Variants in EXOC6 observed in about 807,000 individuals in gnomAD.
EXOC6 encodes the protein SEC15-like 1.
EXOC6 carries 60 observed loss-of-function variants against 112.5 expected under a neutral mutation model. The observed-to-expected ratio is 0.53, with a 90% CI of 0.43 to 0.66. EXOC6 has a LOEUF of 0.66. EXOC6 is among the 30% of genes least tolerant of loss of function. EXOC6 has a pLI of 0.00. For synonymous variants in EXOC6, 295 were observed against 308.0 expected (o/e 0.96, Z 0.44); for missense variants, 855 against 957.1 (o/e 0.89, Z 1.41).
intron 13 of EXOC6, among the ~76,000 whole-genome samples, chr10:92,947,110 A>G (rs772024859): frequency 2.6e-5 from 4 of 152,350 alleles, no homozygotes; most frequent in East Asian, 1.9e-4. Context: ...AAGGAAATCA[A>G]TGATTGGATG....
At chr10:92,898,031 G>A (rs1849924033) in intron 4 of EXOC6, among the ~76,000 whole-genome samples, 1 of 152,136 alleles carries the variant, frequency 6.6e-6, no homozygotes, top group African/African-American at 2.4e-5. Flanking sequence ...GATACTTGGA[G>A]TTCACAGATC....
At chr10:92,872,825 CT>C (rs1403236391) in intron 1 of EXOC6, among the ~76,000 whole-genome samples, 3 of 151,970 alleles carry the variant, frequency 2.0e-5, no homozygotes. Flanking sequence ...GAGTAGTATT[CT>C]TTTTGTTTTG....
At chr10:92,902,405 C>T (rs1850226988) in intron 5 of EXOC6, among the ~76,000 whole-genome samples, 1 of 151,892 alleles carries the variant, frequency 6.6e-6, no homozygotes, top group South Asian at 2.1e-4. Flanking sequence ...TTTAAAATCT[C>T]TTTGTCTGCT....
At chr10:92,951,942 A>G (rs1172926300) in intron 14 of EXOC6, among the ~76,000 whole-genome samples, 1 of 152,198 alleles carries the variant, frequency 6.6e-6, no homozygotes, top group Non-Finnish European at 1.5e-5. Flanking sequence ...TTGTATGATA[A>G]ATACACAAAG....
rs184008444 is a variant in EXOC6, at chr10:92,922,809, T to C, written c.888+2759T>C. 1.9e-3 allele frequency among the ~76,000 whole-genome samples: 295 copies of C among 152,298 alleles called. 1 individual carries two copies. The highest frequency in any genetic ancestry group is 7.0e-3 in the African/African-American group (289 of 41,564). On this transcript the variant is annotated intron_variant, in intron 8 of 21. Transcript: ENST00000260762. Reference sequence around the variant, plus strand: ...TTTTCTTAGAATACTGAATATTGAATGAGTTAATTTCCTAATTATCTGATG... The same window carrying C: ...TTTTCTTAGAATACTGAATATTGAACGAGTTAATTTCCTAATTATCTGATG...
intron 1 of EXOC6, among the ~76,000 whole-genome samples, chr10:92,840,606 A>T (rs764311627): frequency 9.9e-5 from 15 of 152,200 alleles, no homozygotes; most frequent in Non-Finnish European, 5.9e-5. Context: ...TGAGTTATGT[A>T]AATTTTTTAA....
chr10:92,996,419 C>T (rs187960298), intron 18 of EXOC6, among the ~76,000 whole-genome samples: 33 of 152,142 alleles, frequency 2.2e-4, no homozygotes, highest in Admixed American at 3.9e-4. Flanking sequence ...AGATCGAGAC[C>T]ATCCTGGCTA....
intron 5 of EXOC6, among the ~76,000 whole-genome samples, chr10:92,904,430 G>A (rs1850335636): frequency 6.6e-6 from 1 of 152,160 alleles, no homozygotes; most frequent in East Asian, 1.9e-4. Context: ...ATGAATGAGA[G>A]TTACTGTTGC....
intron 19 of EXOC6, 68 bp from the exon 20 acceptor site, chr10:93,014,121 ATTAAT>A: frequency 1.8e-6 from 2 of 1,090,138 alleles, no homozygotes; most frequent in Non-Finnish European, 2.7e-6. Context: ...ATGAGTAGAA[ATTAAT>A]TTATCAGTTA....
At chr10:92,866,849 A>G (rs541563859) in intron 1 of EXOC6, among the ~76,000 whole-genome samples, 1 of 152,292 alleles carries the variant, frequency 6.6e-6, no homozygotes, top group African/African-American at 2.4e-5. Context: ...AATTTTTCTT[A>G]AGTCTAACAC....
intron 20 of EXOC6, among the ~76,000 whole-genome samples, chr10:93,023,604 A>G (rs1844884677): frequency 6.6e-6 from 1 of 152,194 alleles, no homozygotes; most frequent in Non-Finnish European, 1.5e-5. Context: ...TTTTTTTACA[A>G]GTAAAGCCTA....
At chr10:93,058,189 T>C (rs1275870808) in intron 21 of EXOC6, 34 bp from the exon 22 acceptor site, 1 of 1,580,126 alleles carries the variant, frequency 6.3e-7, no homozygotes, top group Non-Finnish European at 8.5e-7. Context: ...TTAATTTTCT[T>C]TTACCAAGCT....
At chr10:92,894,199 A>G (rs1849641928) in intron 2 of EXOC6, among the ~76,000 whole-genome samples, 1 of 152,196 alleles carries the variant, frequency 6.6e-6, no homozygotes, top group Non-Finnish European at 1.5e-5. Context: ...GAGGTCACTG[A>G]GCATCTTTGT....
chr10:92,860,676 A>G (rs990979614), intron 1 of EXOC6, among the ~76,000 whole-genome samples: 32 of 152,112 alleles, frequency 2.1e-4, no homozygotes, highest in Admixed American at 6.5e-5. Context: ...TATGACTATG[A>G]TTACTCTAGA....
chr10:93,051,059 G>GC lies in EXOC6; in HGVS notation c.2170-5863dup, dbSNP rs1846267772. 2.0e-5 allele frequency among the ~76,000 whole-genome samples: 3 copies of GC among 151,198 alleles called. No homozygotes were observed. The South Asian group carries it at 6.3e-4, about 32-fold the overall frequency. ...ATGTATGTATCTATATGCTATTTTA[G>GC]CCATGGTAGTGACCAAAAAGAAAAA... On this transcript the variant is annotated intron_variant, in intron 20 of 21. Coordinates refer to ENST00000260762, the MANE Select transcript of EXOC6 (RefSeq NM_019053.6).
chr10:92,840,991 T>C (rs1036271077), intron 1 of EXOC6, among the ~76,000 whole-genome samples: 2 of 152,250 alleles, frequency 1.3e-5, no homozygotes, highest in African/African-American at 4.8e-5. Context: ...TTTCACTGTC[T>C]GTTTACAGTG....
chr10:93,043,503 G>A (rs944140342), intron 20 of EXOC6, among the ~76,000 whole-genome samples: 2 of 152,180 alleles, frequency 1.3e-5, no homozygotes, highest in African/African-American at 4.8e-5. Context: ...TGAGGGCACT[G>A]GGCCAGGCAC....
At chr10:92,945,844 G>A (rs76727753) in intron 13 of EXOC6, among the ~76,000 whole-genome samples, 1,628 of 152,136 alleles carry the variant, frequency 0.011, 33 homozygotes, top group African/African-American at 0.037. Flanking sequence ...GCCTTTTAAC[G>A]TTTTACTTTA....
chr10:92,865,435 C>T (rs1848126922), intron 1 of EXOC6, among the ~76,000 whole-genome samples: 1 of 151,866 alleles, frequency 6.6e-6, no homozygotes, highest in African/African-American at 2.4e-5. Flanking sequence ...GCTTAGGAGG[C>T]TGAGGTGGGA....
Sources: allele counts gnomAD v4.1 joint callset (sites outside exome capture counted in the v4.1 genomes callset), GRCh38; gene constraint gnomAD v4.1.1; transcripts MANE v1.5; gene names NCBI Gene and HGNC (gene_info 2026-07-23, HGNC 2026-07-21).